L3MBTL4: variants seen among roughly 807,000 people sequenced by gnomAD.
L3MBTL4 encodes the protein lethal(3)malignant brain tumor-like protein 4.
Under a neutral mutation model 84.5 loss-of-function variants are expected in L3MBTL4, and 70 were observed. That is an observed-to-expected ratio of 0.83 (90% CI 0.68 to 1.01). The LOEUF (loss-of-function observed/expected upper bound fraction) is 1.01, where lower values mean the gene tolerates loss of function less well. L3MBTL4 is among the 50% of genes least tolerant of loss of function. L3MBTL4 has a pLI of 0.00. For missense variants in L3MBTL4, 715 were observed against 754.8 expected (o/e 0.95, Z 0.62); for synonymous variants, 274 against 259.8 (o/e 1.05, Z -0.52).
At chr18:6,321,874 A>G (rs1184426549) in intron 1 of L3MBTL4, among the ~76,000 whole-genome samples, 2 of 152,106 alleles carry the variant, frequency 1.3e-5, no homozygotes, top group Admixed American at 6.6e-5. Flanking sequence ...TCTGTGGTAT[A>G]ATGACCTTTG....
At chr18:6,311,479 G>T in intron 3 of L3MBTL4, 75 bp downstream of exon 3, 1 of 1,260,740 alleles carries the variant, frequency 7.9e-7, no homozygotes, top group Non-Finnish European at 1.2e-6. Flanking sequence ...GTGGTTATGT[G>T]AACTCTACTA....
chr18:6,004,617 A>G (rs1263280639), intron 16 of L3MBTL4, among the ~76,000 whole-genome samples: 3 of 152,212 alleles, frequency 2.0e-5, no homozygotes, highest in Admixed American at 6.5e-5. Flanking sequence ...TAACATGTCC[A>G]CTGATAGATG....
chr18:6,310,684 C>A (rs942017611), intron 3 of L3MBTL4, among the ~76,000 whole-genome samples: 2 of 152,066 alleles, frequency 1.3e-5, no homozygotes, highest in African/African-American at 4.8e-5. Context: ...CTGTAATGGC[C>A]CACCATCCCC....
chr18:6,338,319 G>T (rs998492252), intron 1 of L3MBTL4, among the ~76,000 whole-genome samples: 5 of 151,852 alleles, frequency 3.3e-5, no homozygotes, highest in African/African-American at 1.2e-4. Context: ...AATGCAAAAA[G>T]AAATGAAAAC....
chr18:6,038,115 A>T (rs1323624503), intron 16 of L3MBTL4, among the ~76,000 whole-genome samples: 2 of 152,236 alleles, frequency 1.3e-5, no homozygotes, highest in Non-Finnish European at 2.9e-5. Flanking sequence ...AGAGAAGGGC[A>T]GGGATACTGA....
intron 12 of L3MBTL4, among the ~76,000 whole-genome samples, chr18:6,191,520 G>C (rs1005562034): frequency 6.6e-6 from 1 of 152,126 alleles, no homozygotes; most frequent in African/African-American, 2.4e-5. Flanking sequence ...TTGAGATTGA[G>C]ATATCTATTC....
At chr18:6,408,962 C>A (rs1044342099) in intron 1 of L3MBTL4, among the ~76,000 whole-genome samples, 2 of 152,158 alleles carry the variant, frequency 1.3e-5, no homozygotes, top group Admixed American at 6.5e-5. Flanking sequence ...CCGGGGTGAG[C>A]CACTGTGCCC....
intron 4 of L3MBTL4, among the ~76,000 whole-genome samples, chr18:6,295,719 C>A (rs576151352): frequency 6.6e-6 from 1 of 152,132 alleles, no homozygotes; most frequent in African/African-American, 2.4e-5. Flanking sequence ...AGAAAGAAGT[C>A]CCCTGTTAAT....
chr18:6,209,800 A>C (rs1678967125), intron 12 of L3MBTL4, among the ~76,000 whole-genome samples: 1 of 152,260 alleles, frequency 6.6e-6, no homozygotes, highest in African/African-American at 2.4e-5. Context: ...AATGGCTATT[A>C]TTCAGAAATA....
intron 7 of L3MBTL4, 71 bp downstream of exon 7, chr18:6,243,223 A>G: frequency 1.5e-6 from 2 of 1,313,836 alleles, no homozygotes; most frequent in Non-Finnish European, 2.0e-6. Flanking sequence ...CGAATTTCAT[A>G]AAGTATTGTT....
intron 16 of L3MBTL4, among the ~76,000 whole-genome samples, chr18:6,021,884 T>C (rs966848440): frequency 1.3e-5 from 2 of 152,256 alleles, no homozygotes; most frequent in Admixed American, 6.5e-5. Flanking sequence ...CCTTCCCTTC[T>C]ACCTCCTCCT....
Position 6,238,111 on chromosome 18 carries a change from C to A in L3MBTL4, c.708-71G>T, listed in dbSNP as rs979702522. The A allele has an allele frequency of 3.8e-6, 5 of 1,326,682 alleles. No individual in the cohort carries two copies. The African/African-American group carries it at 5.8e-5, about 15-fold the overall frequency. The allele number at this position is 1,326,682 out of a possible 1,614,324, so 82.2% of individuals were successfully genotyped here. On this transcript the variant is annotated intron_variant, in intron 9 of 18. Coordinates refer to ENST00000317931, the MANE Select transcript of L3MBTL4 (RefSeq NM_001330559.2). ...AGAGAAAGAATTCAAGAGTAACAAT[C>A]ATTCTGGATATCAACAGATACCACA...
intron 16 of L3MBTL4, among the ~76,000 whole-genome samples, chr18:6,056,289 G>A (rs2057019427): frequency 6.6e-6 from 1 of 152,074 alleles, no homozygotes; most frequent in Admixed American, 6.5e-5. Context: ...AATCTATTCA[G>A]CACAAAGCAA....
intron 1 of L3MBTL4, among the ~76,000 whole-genome samples, chr18:6,359,941 A>G (rs1295053339): frequency 6.6e-6 from 1 of 152,136 alleles, no homozygotes; most frequent in East Asian, 1.9e-4. Flanking sequence ...TCTTGCTTTC[A>G]TAATTACTTA....
intron 1 of L3MBTL4, among the ~76,000 whole-genome samples, chr18:6,317,986 T>C (rs541365323): frequency 6.6e-6 from 1 of 152,274 alleles, no homozygotes; most frequent in South Asian, 2.1e-4. Flanking sequence ...AGCCAAGAAT[T>C]CTGTATCCAG....
chr18:6,117,324 T>C (rs1013233551), intron 14 of L3MBTL4, among the ~76,000 whole-genome samples: 1 of 152,108 alleles, frequency 6.6e-6, no homozygotes, highest in Non-Finnish European at 1.5e-5. Context: ...TTCAGCAAAG[T>C]AGGAGCTGAG....
intron 5 of L3MBTL4, among the ~76,000 whole-genome samples, chr18:6,263,340 C>T (rs1329444841): frequency 1.4e-5 from 2 of 147,230 alleles, no homozygotes; most frequent in African/African-American, 5.0e-5. Flanking sequence ...TTCCCCAAAA[C>T]ATCTAAAACT....
intron 5 of L3MBTL4, chr18:6,260,325 A>G (rs920433142): frequency 6.6e-6 from 1 of 152,130 alleles, no homozygotes; most frequent in Admixed American, 6.5e-5. Context: ...GAAAAATGAC[A>G]TTGGTAGTTT....
intron 18 of L3MBTL4, among the ~76,000 whole-genome samples, chr18:5,956,817 C>T (rs1337236907): frequency 6.6e-6 from 1 of 152,100 alleles, no homozygotes; most frequent in Non-Finnish European, 1.5e-5. Context: ...CCACTGTTCC[C>T]AATAATATCA....
Sources: allele counts gnomAD v4.1 joint callset (sites outside exome capture counted in the v4.1 genomes callset), GRCh38; gene constraint gnomAD v4.1.1; transcripts MANE v1.5; gene names NCBI Gene and HGNC (gene_info 2026-07-23, HGNC 2026-07-21).